Variants in NSD1 observed in about 807,000 individuals in gnomAD.
NSD1 encodes the protein histone-lysine N-methyltransferase, H3 lysine-36 specific.
NSD1 carries 26 observed loss-of-function variants against 242.7 expected under a neutral mutation model. The observed-to-expected ratio is 0.11, with a 90% CI of 0.08 to 0.15. NSD1 has a LOEUF of 0.15. NSD1 is among the 10% of genes least tolerant of loss of function. The pLI, the probability that NSD1 is intolerant of heterozygous loss-of-function variation, is 1.00. For synonymous variants in NSD1, 1,106 were observed against 1,178.1 expected (o/e 0.94, Z 1.25); for missense variants, 2,495 against 3,272.8 (o/e 0.76, Z 5.80).
At chr5:177,268,122 T>C (rs2149932183) in intron 15 of NSD1, among the ~76,000 whole-genome samples, 1 of 151,740 alleles carries the variant, frequency 6.6e-6, no homozygotes, top group South Asian at 2.1e-4. Context: ...TTGGGTTGTT[T>C]GTTTTGAGAC....
rs747567014 is a variant in NSD1 at position 177,235,996 on chromosome 5, T to C, written c.3921+51T>C. On this transcript the variant is annotated intron_variant, in intron 6 of 22. Transcript: ENST00000439151. ...TTCACTGGTCCTTAGGAAACTGCAA[T>C]TTTATCTTCAATGTCATACTTTATC... The C allele has an allele frequency of 1.9e-6, 3 of 1,595,430 alleles. No homozygotes were observed. The African/African-American group carries it at 4.0e-5, about 21-fold the overall frequency.
chr5:177,276,819 TA>T (rs1212767272), intron 17 of NSD1, among the ~76,000 whole-genome samples: 15 of 151,988 alleles, frequency 9.9e-5, no homozygotes, highest in African/African-American at 3.4e-4. Flanking sequence ...AAGATTAGAT[TA>T]AAAAAAGAAC....
At chr5:177,217,066 T>TA (rs373923072) in intron 5 of NSD1, among the ~76,000 whole-genome samples, 114 of 152,050 alleles carry the variant, frequency 7.5e-4, no homozygotes, top group African/African-American at 2.6e-3. Context: ...GAGATGTTGA[T>TA]AGGGATGGCA....
At chr5:177,169,473 C>A in intron 2 of NSD1, 2 of 158,520 alleles carry the variant, frequency 1.3e-5, no homozygotes, top group South Asian at 3.5e-4. Context: ...CTCAATTGGT[C>A]GTTGTCAACT....
In NSD1 at chr5:177,246,701, C is replaced by A; in HGVS notation, c.4402C>A (p.Pro1468Thr). ...AGGCACTACCAAGATATTTGACAAG[C>A]CAAGGAAGCGAAAACGACAGAGGCA... ...GGGTTKIFDK[P>T]RKRKRQRHAA... The change falls in exon 10 of 23, where the codon CCA becomes ACA. Residue 1468 changes from proline (P) to threonine (T), a missense_variant. Transcript: ENST00000439151. 6.2e-7 allele frequency: 1 copy of A among 1,613,908 alleles called. No homozygotes were observed. Among genetic ancestry groups the A allele is most frequent in the Admixed American group, 1.7e-5 (1 of 60,014 alleles).
chr5:177,225,556 C>T (rs1347588320), intron 5 of NSD1, among the ~76,000 whole-genome samples: 1 of 151,674 alleles, frequency 6.6e-6, no homozygotes, highest in Non-Finnish European at 1.5e-5. Context: ...TATTTATTTT[C>T]TCCCCTTTTT....
At chr5:177,270,075 G>C (rs1750554213) in intron 16 of NSD1, among the ~76,000 whole-genome samples, 1 of 152,092 alleles carries the variant, frequency 6.6e-6, no homozygotes, top group Admixed American at 6.6e-5. Context: ...ATGGAGTTCT[G>C]AAACTATTTC....
At position 177,238,308 on chromosome 5, in the gene NSD1, C is replaced by T. The variant is rs539886192; in HGVS notation, c.3993C>T (p.Asp1331=). 7.4e-6 allele frequency: 12 copies of T among 1,614,006 alleles called. No homozygotes were observed. The highest frequency in any genetic ancestry group is 3.3e-5 in the Admixed American group (2 of 60,004). The change falls in exon 7 of 23, where the codon GAC becomes GAT. Residue 1331 remains aspartate (D), a synonymous_variant. Coordinates refer to ENST00000439151, the MANE Select transcript of NSD1 (RefSeq NM_022455.5). The surrounding 1 kb of genome is among the most constrained non-coding windows in gnomAD (Gnocchi z 4.6). The part of the protein sequence containing the change: ...GRSSAQNKQV[D]ENSLISTKEE... ...CTAGTGCTCAGAACAAGCAGGTGGA[C>T]GAGAATTCTTTGATTTCAACCAAAG...
chr5:177,242,842 C>T (rs1230625432), intron 8 of NSD1, among the ~76,000 whole-genome samples: 1 of 152,082 alleles, frequency 6.6e-6, no homozygotes, highest in African/African-American at 2.4e-5. Context: ...ATGGCCTTTA[C>T]TATGCTAACT....
At chr5:177,178,693 CTCCTCGGCTTAAGTGA>C (rs1760411421) in intron 2 of NSD1, among the ~76,000 whole-genome samples, 1 of 152,148 alleles carries the variant, frequency 6.6e-6, no homozygotes, top group South Asian at 2.1e-4. Context: ...CATCCTCGAC[CTCCTCGGCTTAAGTGA>C]TCCTTGTTTA....
In NSD1 at chr5:177,134,585, C is replaced by T. The variant is rs1283087172; in HGVS notation, c.-17-502C>T. On this transcript the variant is annotated intron_variant, in intron 1 of 22. Coordinates refer to ENST00000439151, the MANE Select transcript of NSD1 (RefSeq NM_022455.5). This position sits in a 1 kb window ranked among gnomAD's most constrained non-coding sequence, Gnocchi z 4.2. ...GGCTCGCCTGCGGCCTGCGCACCGC[C>T]GCTGCAAAGGCTCCGGCGCTGGCTG... 1.3e-5 allele frequency among the ~76,000 whole-genome samples: 2 copies of T among 152,212 alleles called. No homozygotes were observed. Among genetic ancestry groups the T allele is most frequent in the Non-Finnish European group, 2.9e-5 (2 of 68,028 alleles).
chr5:177,191,958 C>A lies in NSD1; in HGVS notation c.1002C>A (p.Arg334=). ...TCATCTGGGCAAAATTCAAGAGACGCCCATGGTGGCCCTGCAGGATTTGTT... is the reference window on the plus strand; with the variant it reads ...TCATCTGGGCAAAATTCAAGAGACGACCATGGTGGCCCTGCAGGATTTGTT... The part of the protein sequence containing the change: ...GDLIWAKFKR[R]PWWPCRICSD... Residue 334 remains arginine, a synonymous_variant, in exon 3 of 23, where the codon CGC becomes CGA. Transcript: ENST00000439151. 6.2e-7 allele frequency: 1 copy of A among 1,614,130 alleles called. No homozygotes were observed. Among genetic ancestry groups the A allele is most frequent in the Non-Finnish European group, 8.5e-7 (1 of 1,179,998 alleles).
At chr5:177,192,846 A>T (rs1209573925) in intron 3 of NSD1, among the ~76,000 whole-genome samples, 1 of 152,062 alleles carries the variant, frequency 6.6e-6, no homozygotes, top group Non-Finnish European at 1.5e-5. Flanking sequence ...AAACATTCTC[A>T]ATTATTCTGT....
chr5:177,223,185 A>C (rs527744438), intron 5 of NSD1, among the ~76,000 whole-genome samples: 12 of 149,762 alleles, frequency 8.0e-5, no homozygotes, highest in African/African-American at 3.0e-4. Context: ...GGGTTCAAGG[A>C]GTTCTCATGT....
chr5:177,271,537 C>G (rs1757943563), intron 16 of NSD1, among the ~76,000 whole-genome samples: 1 of 152,072 alleles, frequency 6.6e-6, no homozygotes. Flanking sequence ...CAGAATCTAA[C>G]CTCTACACTG....
rs1408814099 is a variant in NSD1, at chr5:177,272,220, T to C, written c.5510-1452T>C. ...TCATGGGGATGGAGAATATGATTTA[T>C]ATTGGATAGATGTTAAGGAGGTAGA... On this transcript the variant is annotated intron_variant, in intron 16 of 22. Transcript: ENST00000439151. Among the ~76,000 whole-genome samples, 3 of 151,554 alleles carry C rather than the reference T, an allele frequency of 2.0e-5. 1 individual carries two copies. The highest frequency in any genetic ancestry group is 6.6e-5 in the Admixed American group (1 of 15,204).
chr5:177,257,460 T>C (rs1756579780), intron 13 of NSD1, among the ~76,000 whole-genome samples: 1 of 152,152 alleles, frequency 6.6e-6, no homozygotes, highest in Non-Finnish European at 1.5e-5. Flanking sequence ...CTCGATCTCC[T>C]GACCTCGTGA....
intron 13 of NSD1, among the ~76,000 whole-genome samples, chr5:177,257,915 C>T (rs1191448441): frequency 6.7e-6 from 1 of 149,578 alleles, no homozygotes; most frequent in Non-Finnish European, 1.5e-5. Context: ...CCACTCACCT[C>T]AGCCTCCCAA....
Position 177,204,283 on chromosome 5 carries a change from T to C in NSD1, c.1227T>C (p.Tyr409=), listed in dbSNP as rs750282381. ...GAGGGAAACAGAAAGAAAAAGGATA[T>C]AGGCATAAGGTAGGAAACGAAAAAG... is the stretch of plus-strand genomic sequence containing the variant. The part of the protein sequence containing the change: ...RRRGKQKEKG[Y]RHKVPQKILS... The change falls in exon 4 of 23, where the codon TAT becomes TAC. Residue 409 remains tyrosine (Y), a synonymous_variant. Coordinates refer to ENST00000439151, the MANE Select transcript of NSD1 (RefSeq NM_022455.5). The C allele has an allele frequency of 6.8e-6, 11 of 1,613,502 alleles. No homozygotes were observed. The highest frequency in any genetic ancestry group is 2.2e-5 in the East Asian group (1 of 44,888).
Sources: allele counts gnomAD v4.1 joint callset (sites outside exome capture counted in the v4.1 genomes callset), GRCh38; gene constraint gnomAD v4.1.1; non-coding constraint Gnocchi (gnomAD v3.1); transcripts MANE v1.5; gene names NCBI Gene and HGNC (gene_info 2026-07-23, HGNC 2026-07-21).